Variants in RERE observed in about 807,000 individuals in gnomAD.
RERE encodes arginine-glutamic acid dipeptide repeats protein.
In RERE, 40 loss-of-function variants were observed where a neutral mutation model predicts 146.1. That is an observed-to-expected ratio of 0.27 (90% CI 0.21 to 0.36). RERE has a LOEUF of 0.36. RERE is among the 10% of genes least tolerant of loss of function. RERE has a pLI of 1.00. For missense variants in RERE, 1,933 were observed against 2,138.7 expected (o/e 0.90, Z 1.90); for synonymous variants, 1,003 against 866.0 (o/e 1.16, Z -2.78).
At chr1:8,544,081 A>T (rs1645830472) in intron 6 of RERE, among the ~76,000 whole-genome samples, 1 of 152,330 alleles carries the variant, frequency 6.6e-6, no homozygotes, top group East Asian at 1.9e-4. Context: ...AGCTTTACAG[A>T]CAATCAAACC....
In RERE at chr1:8,607,528, A is replaced by ATTTTTTTT. The variant is rs1557431314; in HGVS notation, c.522+7032_522+7033insAAAAAAAA. Among the ~76,000 whole-genome samples the ATTTTTTTT allele has an allele frequency of 3.9e-5, 3 of 76,968 alleles. No homozygotes were observed. In the East Asian group the frequency reaches 2.2e-3, roughly 57 times the overall value. 50.5% of individuals were successfully genotyped at this position (76,968 alleles called of 152,430 possible). ...AAGCCCCGCATATTTGTTTTTATAT[A>ATTTTTTTT]TATTTCTTTTTTTTTTTTTTTTTTT... On this transcript the variant is annotated intron_variant, in intron 4 of 22. Transcript: ENST00000400908.
At chr1:8,766,667 T>C (rs538128011) in intron 1 of RERE, among the ~76,000 whole-genome samples, 4 of 151,742 alleles carry the variant, frequency 2.6e-5, no homozygotes, top group Admixed American at 6.6e-5. Flanking sequence ...TGATTCTATA[T>C]AGTGGGGAGA....
In RERE at chr1:8,766,576, A is replaced by AAGAG. The variant is rs561437590; in HGVS notation, c.-145+50580_-145+50583dup. ...AAAAAAAAAAAAAGAAAAGAAAAAA[A>AAGAG]AGAGAGAGAGAGAGACAGTGGCCTG... On this transcript the variant is annotated intron_variant, in intron 1 of 22. Coordinates refer to ENST00000400908, the MANE Select transcript of RERE (RefSeq NM_001042681.2). Among the ~76,000 whole-genome samples, 10 of 151,456 alleles carry AAGAG rather than the reference A, an allele frequency of 6.6e-5. No homozygotes were observed. The East Asian group carries it at 1.2e-3, about 18-fold the overall frequency.
intron 2 of RERE, among the ~76,000 whole-genome samples, chr1:8,643,306 T>C (rs1023499196): frequency 1.3e-5 from 2 of 152,218 alleles, no homozygotes; most frequent in African/African-American, 4.8e-5. Context: ...TTCAACATGT[T>C]TTTGCTCATT....
chr1:8,525,831 C>T (rs373655335), intron 7 of RERE: 3 of 1,549,986 alleles, frequency 1.9e-6, no homozygotes, highest in Non-Finnish European at 2.6e-6. Context: ...TGAACCTTTA[C>T]TTTCTGCTAA....
At chr1:8,522,874 A>C (rs891257845) in intron 7 of RERE, among the ~76,000 whole-genome samples, 1 of 138,686 alleles carries the variant, frequency 7.2e-6, no homozygotes, top group Admixed American at 7.0e-5. Flanking sequence ...ACTCCGTCTC[A>C]AAAAAAAAAA....
At chr1:8,736,850 G>T (rs1640209229) in intron 1 of RERE, among the ~76,000 whole-genome samples, 1 of 108,946 alleles carries the variant, frequency 9.2e-6, no homozygotes, top group Non-Finnish European at 1.8e-5. Context: ...GAAGCAAGGG[G>T]GAAAAAAAAA....
At chr1:8,739,379 T>C (rs1271942195) in intron 1 of RERE, among the ~76,000 whole-genome samples, 2 of 152,072 alleles carry the variant, frequency 1.3e-5, no homozygotes, top group African/African-American at 4.8e-5. Context: ...CAAGGAAAGT[T>C]GTTTGTGGGA....
intron 12 of RERE, among the ~76,000 whole-genome samples, chr1:8,415,628 C>G (rs1643737983): frequency 6.6e-6 from 1 of 152,064 alleles, no homozygotes; most frequent in Admixed American, 6.5e-5. Flanking sequence ...TTTAATACCT[C>G]CTTTTCTTTC....
intron 4 of RERE, among the ~76,000 whole-genome samples, chr1:8,575,722 G>A (rs987309575): frequency 6.6e-6 from 1 of 151,514 alleles, no homozygotes; most frequent in African/African-American, 2.4e-5. Context: ...TTAACTTTTG[G>A]GCCTTGTAAA....
intron 8 of RERE, among the ~76,000 whole-genome samples, chr1:8,498,999 G>C (rs1245738798): frequency 6.6e-6 from 1 of 152,058 alleles, no homozygotes. Flanking sequence ...GAGCAACAGT[G>C]CTCCCCACCA....
At chr1:8,460,510 T>C (rs946668437) in intron 11 of RERE, among the ~76,000 whole-genome samples, 1 of 152,248 alleles carries the variant, frequency 6.6e-6, no homozygotes, top group African/African-American at 2.4e-5. Context: ...TATGAGCTTG[T>C]AAATAAATCC....
chr1:8,476,279 G>A (rs1348392421), intron 10 of RERE, among the ~76,000 whole-genome samples: 1 of 152,166 alleles, frequency 6.6e-6, no homozygotes, highest in East Asian at 1.9e-4. Context: ...CACTTCCCTA[G>A]CAAGTAGCAG....
intron 11 of RERE, among the ~76,000 whole-genome samples, chr1:8,461,058 G>A (rs776655382): frequency 6.6e-6 from 1 of 152,158 alleles, no homozygotes; most frequent in Non-Finnish European, 1.5e-5. Context: ...CAGCTCGCAT[G>A]CATAAATAAA....
At chr1:8,365,404 GA>G (rs762459241) in intron 13 of RERE, among the ~76,000 whole-genome samples, 2 of 152,114 alleles carry the variant, frequency 1.3e-5, no homozygotes, top group African/African-American at 2.4e-5. Flanking sequence ...GAAGCAGGAG[GA>G]AAAAGAAGAA....
At chr1:8,640,318 T>G (rs904139371) in intron 2 of RERE, among the ~76,000 whole-genome samples, 2 of 152,106 alleles carry the variant, frequency 1.3e-5, no homozygotes, top group Non-Finnish European at 2.9e-5. Context: ...CAGTCTACAG[T>G]GAGACACTAA....
intron 1 of RERE, among the ~76,000 whole-genome samples, chr1:8,681,097 T>C (rs923022796): frequency 6.1e-4 from 93 of 152,238 alleles, no homozygotes; most frequent in African/African-American, 2.2e-3. Context: ...TTAAAACCAT[T>C]CGTCTTTTCT....
Position 8,354,774 on chromosome 1 carries a change from G to A in RERE, c.*313C>T, listed in dbSNP as rs538072934. The A allele has an allele frequency of 1.2e-4, 46 of 376,066 alleles. No individual in the cohort carries two copies. Among genetic ancestry groups the A allele is most frequent in the African/African-American group, 9.7e-4 (46 of 47,220 alleles). The allele number at this position is 376,066 out of a possible 1,614,324, so 23.3% of individuals were successfully genotyped here. On this transcript the variant is annotated 3_prime_UTR_variant, in exon 23 of 23. Transcript: ENST00000400908. ...TGTGAACTGGATTCTAGCACCTACT[G>A]AGAAATCAAGGAAAAGAAAACTAAA... is the stretch of plus-strand genomic sequence containing the variant.
At chr1:8,599,733 GGAGT>G (rs1646599202) in intron 4 of RERE, among the ~76,000 whole-genome samples, 1 of 152,174 alleles carries the variant, frequency 6.6e-6, no homozygotes, top group African/African-American at 2.4e-5. Context: ...AGCCCATCAA[GGAGT>G]GAGTATTGAT....
Sources: allele counts gnomAD v4.1 joint callset (sites outside exome capture counted in the v4.1 genomes callset), GRCh38; gene constraint gnomAD v4.1.1; transcripts MANE v1.5; gene names NCBI Gene and HGNC (gene_info 2026-07-23, HGNC 2026-07-21).